The following ACOT1 variants were observed in gnomAD, a reference collection of about 807,000 sequenced individuals.
The protein encoded by ACOT1 is acyl-CoA thioesterase 1.
In ACOT1, 8 loss-of-function variants were observed where a neutral mutation model predicts 15.7. That is an observed-to-expected ratio of 0.51 (90% confidence interval 0.30 to 0.92). ACOT1 has a LOEUF of 0.92. ACOT1 is among the 40% of genes least tolerant of loss of function. The pLI is 0.06. For synonymous variants in ACOT1, 67 were observed against 241.2 expected (o/e 0.28, Z 6.69); for missense variants, 151 against 539.4 (o/e 0.28, Z 7.13).
the ACOT1 span, chr14:73,493,103 C>G: frequency 6.2e-7 from 1 of 1,610,394 alleles, no homozygotes; most frequent in Non-Finnish European, 8.5e-7. Flanking sequence ...CTCGGAAGGT[C>G]TTCTAGGAAG....
At chr14:73,509,434 G>T in the ACOT1 span, 1 of 1,614,052 alleles carries the variant, frequency 6.2e-7, no homozygotes, top group East Asian at 2.2e-5. Context: ...AGCCTCTAGG[G>T]CAGGCAGTAG....
At chr14:73,491,198 G>A in the ACOT1 span, 1 of 1,596,508 alleles carries the variant, frequency 6.3e-7, no homozygotes, top group Non-Finnish European at 8.5e-7. Flanking sequence ...GCTGCCTAGC[G>A]AGAACTCGGA....
At chr14:73,502,640 C>T in the ACOT1 span, among the ~76,000 whole-genome samples, 1 of 152,102 alleles carries the variant, frequency 6.6e-6, no homozygotes, top group African/African-American at 2.4e-5. Flanking sequence ...CTCCGCCTCC[C>T]AGGTTCAAGC....
chr14:73,509,838 A>T, the ACOT1 span, among the ~76,000 whole-genome samples: 1 of 66,482 alleles, frequency 1.5e-5, no homozygotes, highest in Non-Finnish European at 3.1e-5. Flanking sequence ...ATATATATAT[A>T]TATATATATA....
the ACOT1 span, chr14:73,522,210 G>T: frequency 1.3e-6 from 2 of 1,525,596 alleles, no homozygotes; most frequent in Non-Finnish European, 1.8e-6. Flanking sequence ...GAGTCCACCT[G>T]GGAGTCCCTA....
At chr14:73,532,954 C>CA (rs1238461025), upstream of ACOT1, among the ~76,000 whole-genome samples, 763 of 103,766 alleles carry the variant, frequency 7.4e-3, 140 homozygotes, top group African/African-American at 0.021. Context: ...GACTCCATCT[C>CA]AAAAAAATAA....
the ACOT1 span, among the ~76,000 whole-genome samples, chr14:73,501,161 C>T: frequency 2.0e-5 from 3 of 152,078 alleles, no homozygotes; most frequent in Admixed American, 2.0e-4. Context: ...CTCTGTTGCC[C>T]AGGCTGGAGT....
At chr14:73,540,539 G>A (rs58548302) in intron 1 of ACOT1, among the ~76,000 whole-genome samples, 1,682 of 106,000 alleles carry the variant, frequency 0.016, 184 homozygotes, top group African/African-American at 0.057. Context: ...TTTAGATACA[G>A]TTCAAAAAAT....
chr14:73,498,307 C>G, the ACOT1 span: 2 of 1,610,986 alleles, frequency 1.2e-6, 1 homozygote, highest in South Asian at 2.2e-5. Flanking sequence ...GCAGAAGATC[C>G]GTCAGCTCGG....
chr14:73,493,035 C>A, the ACOT1 span: 1 of 1,558,684 alleles, frequency 6.4e-7, no homozygotes, highest in Non-Finnish European at 8.7e-7. Context: ...CACGTTCTTA[C>A]CTTGATAAGC....
chr14:73,536,617 G>A (rs1238998406), upstream of ACOT1, among the ~76,000 whole-genome samples: 5 of 112,718 alleles, frequency 4.4e-5, no homozygotes, highest in African/African-American at 1.4e-4. Context: ...TTGGCCGGGC[G>A]CGGTGGCTCA....
chr14:73,522,773 G>A, the ACOT1 span: 3 of 1,614,056 alleles, frequency 1.9e-6, no homozygotes, highest in Admixed American at 3.3e-5. Flanking sequence ...TCCTGTTAAG[G>A]GACTTGAGGA....
chr14:73,498,627 G>C, the ACOT1 span, among the ~76,000 whole-genome samples: 3 of 152,276 alleles, frequency 2.0e-5, no homozygotes, highest in Non-Finnish European at 4.4e-5. Context: ...GGGGAAAGGA[G>C]GCACAATTAT....
chr14:73,498,440 T>A, the ACOT1 span: 2 of 1,061,232 alleles, frequency 1.9e-6, no homozygotes, highest in Non-Finnish European at 1.3e-6. Flanking sequence ...TACCTTCCCT[T>A]TTGGATGGTA....
At chr14:73,512,241 C>A in the ACOT1 span, 1 of 1,409,028 alleles carries the variant, frequency 7.1e-7, no homozygotes, top group Non-Finnish European at 9.7e-7. Context: ...GCCCTTCACC[C>A]AGAATAATTC....
At chr14:73,509,457 G>T in the ACOT1 span, 14 of 1,613,836 alleles carry the variant, frequency 8.7e-6, no homozygotes, top group East Asian at 2.7e-4. Context: ...CCTCCGGCAA[G>T]TCCTGGATGG....
chr14:73,499,027 AG>A, the ACOT1 span: 1 of 1,527,070 alleles, frequency 6.5e-7, no homozygotes, highest in Non-Finnish European at 9.1e-7. Flanking sequence ...GCATAGGCAA[AG>A]GTATTTAAGG....
chr14:73,520,779 A>G, the ACOT1 span: 3 of 1,398,776 alleles, frequency 2.1e-6, no homozygotes, highest in Non-Finnish European at 3.0e-6. Flanking sequence ...AACTGTTTCC[A>G]GCCCCCAGCA....
Position 73,537,371 on chromosome 14 carries a change from G to A in ACOT1, c.-51G>A, listed in dbSNP as rs1390350460. Reference sequence around the variant, plus strand: ...GAGGAAGAGTTGGGCAGAGTTGCAGGGGTCTCCACAGCTGAGGCAGTTTGG... The same window carrying A: ...GAGGAAGAGTTGGGCAGAGTTGCAGAGGTCTCCACAGCTGAGGCAGTTTGG... On this transcript the variant is annotated 5_prime_UTR_variant, in exon 1 of 3. Transcript: ENST00000311148. 9.1e-6 allele frequency: 11 copies of A among 1,215,368 alleles called. 4 individuals are homozygous for A. Among genetic ancestry groups the A allele is most frequent in the Non-Finnish European group, 1.1e-6 (1 of 915,552 alleles). 75.3% of individuals were successfully genotyped at this position (1,215,368 alleles called of 1,614,324 possible).
Sources: gnomAD v4.1 joint callset for allele counts (sites outside exome capture counted in the v4.1 genomes callset) on GRCh38, gnomAD v4.1.1 for gene constraint, MANE v1.5 for transcripts, NCBI Gene and HGNC (gene_info 2026-07-23, HGNC 2026-07-21) for gene names.